Variants in ACAP2 observed in about 807,000 individuals in gnomAD.
The protein encoded by ACAP2 is arf-GAP with coiled-coil, ANK repeat and PH domain-containing protein 2.
A neutral mutation model predicts 115.8 loss-of-function variants in ACAP2; 39 were observed. The observed-to-expected ratio is 0.34, with a 90% CI of 0.26 to 0.44. The LOEUF is 0.44. Among genes scored for constraint, ACAP2 ranks in the 20% least tolerant of loss-of-function variants. The pLI is 1.00. For synonymous variants in ACAP2, 289 were observed against 315.8 expected, an observed-to-expected ratio of 0.92 and a Z score of 0.90; for missense variants, 662 against 927.6, an observed-to-expected ratio of 0.71 and a Z score of 3.72.
intron 1 of ACAP2, among the ~76,000 whole-genome samples, chr3:195,419,877 T>C (rs12485787): frequency 0.021 from 3,255 of 152,318 alleles, 115 homozygotes; most frequent in East Asian, 0.1. Flanking sequence ...AAAACTTCTG[T>C]TCATCTGTCT....
At chr3:195,420,331 T>C (rs1267693921) in intron 1 of ACAP2, among the ~76,000 whole-genome samples, 2 of 152,176 alleles carry the variant, frequency 1.3e-5, no homozygotes, top group Non-Finnish European at 2.9e-5. Context: ...ATTTTCATTA[T>C]ATCTTTTTCT....
At position 195,392,075 on chromosome 3, in the gene ACAP2, A is replaced by C. The variant is rs763272841; in HGVS notation, c.111+15T>G. Reference sequence around the variant, plus strand: ...CGAGAATCAATGTTTCAAAAAGCTAACTTGTAAAATTTACCTTATCAAGTT... The same window carrying C: ...CGAGAATCAATGTTTCAAAAAGCTACCTTGTAAAATTTACCTTATCAAGTT... On this transcript the variant is annotated intron_variant, in intron 2 of 22. Transcript: ENST00000326793. 5.6e-6 allele frequency: 9 copies of C among 1,606,488 alleles called. No homozygotes were observed. The highest frequency in any genetic ancestry group is 7.7e-6 in the Non-Finnish European group (9 of 1,173,970).
chr3:195,394,071 G>C (rs936120184), intron 1 of ACAP2, among the ~76,000 whole-genome samples: 3 of 152,056 alleles, frequency 2.0e-5, no homozygotes, highest in Admixed American at 2.0e-4. Flanking sequence ...GCATTTCTAA[G>C]CAACGTTTAA....
chr3:195,350,329 G>A (rs1470075292), intron 4 of ACAP2, among the ~76,000 whole-genome samples: 2 of 152,138 alleles, frequency 1.3e-5, no homozygotes, highest in African/African-American at 2.4e-5. Context: ...GACTTACTAT[G>A]AAAGCTACAG....
At chr3:195,340,564 C>A (rs1288470966) in intron 6 of ACAP2, among the ~76,000 whole-genome samples, 1 of 151,784 alleles carries the variant, frequency 6.6e-6, no homozygotes, top group Non-Finnish European at 1.5e-5. Context: ...GGAGTGAAGC[C>A]CAAGACAGAA....
In ACAP2 at chr3:195,306,631, C is replaced by T. The variant is rs772085425; in HGVS notation, c.1011-15G>A. On this transcript the variant is annotated splice_polypyrimidine_tract_variant and intron_variant, in intron 12 of 22. Coordinates refer to ENST00000326793, the MANE Select transcript of ACAP2 (RefSeq NM_012287.6). Reference sequence around the variant, plus strand: ...GCATGCAACTTCTAAAAGGAAATAACATATTGTTTTCTCAGACACTAAGTT... The same window carrying T: ...GCATGCAACTTCTAAAAGGAAATAATATATTGTTTTCTCAGACACTAAGTT... 13 of 1,598,156 alleles carry T rather than the reference C, an allele frequency of 8.1e-6. No homozygotes were observed. In the South Asian group the frequency reaches 1.3e-4, roughly 16 times the overall value.
intron 1 of ACAP2, among the ~76,000 whole-genome samples, chr3:195,423,282 G>T (rs1045254951): frequency 6.6e-6 from 1 of 152,030 alleles, no homozygotes; most frequent in African/African-American, 2.4e-5. Flanking sequence ...CTAGATGAAG[G>T]CTAGACAGAT....
chr3:195,429,603 A>C (rs969909914), intron 1 of ACAP2, among the ~76,000 whole-genome samples: 3 of 152,322 alleles, frequency 2.0e-5, no homozygotes, highest in Non-Finnish European at 2.9e-5. Flanking sequence ...GGGAAGATGG[A>C]AAATAGGCTG....
chr3:195,347,727 G>C (rs1297190679), intron 4 of ACAP2, among the ~76,000 whole-genome samples: 3 of 152,176 alleles, frequency 2.0e-5, no homozygotes, highest in African/African-American at 7.2e-5. Flanking sequence ...TAAAATCAGG[G>C]CCAGGCATGG....
At position 195,394,998 on chromosome 3, in the gene ACAP2, C is replaced by T. The variant is rs1711619159; in HGVS notation, c.54-2851G>A. The stretch of plus-strand genomic sequence containing the variant: ...ATATCATCAATCACAGTACATGACA[C>T]AAAGAACAAAATCAATTCGCAGATG... On this transcript the variant is annotated intron_variant, in intron 1 of 22. Transcript: ENST00000326793. 4.1e-5 allele frequency among the ~76,000 whole-genome samples: 6 copies of T among 147,922 alleles called. No homozygotes were observed. In the South Asian group the frequency reaches 1.3e-3, roughly 32 times the overall value.
intron 4 of ACAP2, among the ~76,000 whole-genome samples, chr3:195,373,703 G>T (rs1455451835): frequency 6.6e-6 from 1 of 152,074 alleles, no homozygotes; most frequent in African/African-American, 2.4e-5. Flanking sequence ...GCCGAGGCGG[G>T]TGGATCATTT....
intron 7 of ACAP2, 109 bp from the exon 8 acceptor site, chr3:195,333,232 G>T (rs1730292896): frequency 2.0e-6 from 1 of 492,910 alleles, no homozygotes. Context: ...TGCTCTGTTT[G>T]CTCTGTCGCC....
intron 10 of ACAP2, among the ~76,000 whole-genome samples, chr3:195,315,943 C>A (rs554431959): frequency 2.0e-5 from 3 of 152,280 alleles, no homozygotes; most frequent in East Asian, 3.9e-4. Flanking sequence ...AATGGCAGTG[C>A]AATATTCTAC....
chr3:195,420,683 T>C (rs1714117641), intron 1 of ACAP2, among the ~76,000 whole-genome samples: 1 of 146,996 alleles, frequency 6.8e-6, no homozygotes, highest in South Asian at 2.2e-4. Flanking sequence ...TCTTGCTCTG[T>C]CTGGGCTGGA....
At chr3:195,286,973 G>C (rs573441177) in intron 21 of ACAP2, among the ~76,000 whole-genome samples, 1 of 152,224 alleles carries the variant, frequency 6.6e-6, no homozygotes, top group South Asian at 2.1e-4. Flanking sequence ...TCCTGCAATA[G>C]CCTCCATAAT....
intron 9 of ACAP2, among the ~76,000 whole-genome samples, chr3:195,323,835 C>T (rs1220304020): frequency 1.3e-5 from 2 of 151,748 alleles, no homozygotes; most frequent in East Asian, 3.9e-4. Flanking sequence ...TGAATGAGAC[C>T]TAGTATTTGA....
chr3:195,437,578 G>A (rs1715638432), intron 1 of ACAP2, among the ~76,000 whole-genome samples: 1 of 152,058 alleles, frequency 6.6e-6, no homozygotes. Context: ...CATTTTGGGA[G>A]GCCGAAGCTG....
intron 15 of ACAP2, among the ~76,000 whole-genome samples, chr3:195,299,542 C>CAA (rs61602807): frequency 7.7e-5 from 8 of 103,754 alleles, no homozygotes; most frequent in East Asian, 2.8e-4. Context: ...GACTCCGTCT[C>CAA]AAAAAAAAAA....
intron 1 of ACAP2, among the ~76,000 whole-genome samples, chr3:195,417,516 A>C (rs184882023): frequency 1.3e-3 from 194 of 152,100 alleles, no homozygotes; most frequent in Non-Finnish European, 2.1e-3. Flanking sequence ...ATCTCCACTA[A>C]CTACCAAAAG....
Sources: gnomAD v4.1 joint callset for allele counts (sites outside exome capture counted in the v4.1 genomes callset) on GRCh38, gnomAD v4.1.1 for gene constraint, MANE v1.5 for transcripts, NCBI Gene and HGNC (gene_info 2026-07-23, HGNC 2026-07-21) for gene names.